CRPPA: variants seen among roughly 807,000 people sequenced by gnomAD.
CRPPA encodes the protein CDP-L-ribitol pyrophosphorylase A, also known as D-ribitol-5-phosphate cytidylyltransferase.
A neutral mutation model predicts 52.0 loss-of-function variants in CRPPA; 43 were observed. The ratio of observed to expected loss-of-function variants is 0.83; its 90% CI spans 0.65 to 1.07. The LOEUF is 1.07. Among genes scored for constraint, CRPPA ranks in the 50% least tolerant of loss-of-function variants. CRPPA has a pLI of 0.00. For missense variants in CRPPA, 629 were observed against 551.7 expected, an observed-to-expected ratio of 1.14 and a Z score of -1.40; for synonymous variants, 250 against 203.5, an observed-to-expected ratio of 1.23 and a Z score of -1.94.
At position 16,088,720 on chromosome 7, in the gene CRPPA, ATCTCTTAAACAACAAAATAATT is replaced by A. The variant is rs1781751282; in HGVS notation, c.*2953_*2974del. The stretch of plus-strand genomic sequence containing the variant: ...GGCGTGAGCCATCGCGCCCGGCCAG[ATCTCTTAAACAACAAAATAATT>A]TCTCTTTTGGCCAATACTTCTATTC... On this transcript the variant is annotated 3_prime_UTR_variant, in exon 10 of 10. Transcript: ENST00000407010. The A allele has an allele frequency of 6.4e-6, 1 of 155,780 alleles. No individual in the cohort carries two copies. The highest frequency in any genetic ancestry group is 1.9e-4 in the East Asian group (1 of 5,334). 9.6% of individuals were successfully genotyped at this position (155,780 alleles called of 1,614,324 possible).
At chr7:16,253,135 GC>G (rs931123674) in intron 8 of CRPPA, among the ~76,000 whole-genome samples, 1 of 151,950 alleles carries the variant, frequency 6.6e-6, no homozygotes, top group African/African-American at 2.4e-5. Flanking sequence ...ATTATTTCTT[GC>G]CTTCTGCTAG....
At chr7:16,350,758 T>C (rs1049313053) in intron 3 of CRPPA, among the ~76,000 whole-genome samples, 11 of 152,262 alleles carry the variant, frequency 7.2e-5, no homozygotes, top group Non-Finnish European at 1.3e-4. Context: ...TCCTTACCTA[T>C]CAATAATTAC....
At chr7:16,390,946 G>A (rs371713326) in intron 2 of CRPPA, among the ~76,000 whole-genome samples, 1 of 152,040 alleles carries the variant, frequency 6.6e-6, no homozygotes, top group Non-Finnish European at 1.5e-5. Flanking sequence ...GAAGTCAATG[G>A]CCTCCTATAA....
intron 9 of CRPPA, among the ~76,000 whole-genome samples, chr7:16,095,544 T>C (rs1233718964): frequency 6.6e-6 from 1 of 152,226 alleles, no homozygotes; most frequent in Non-Finnish European, 1.5e-5. Flanking sequence ...TCACCATATA[T>C]AGCCATTAAA....
chr7:16,373,063 C>CG (rs1786789192), intron 3 of CRPPA, among the ~76,000 whole-genome samples: 1 of 152,096 alleles, frequency 6.6e-6, no homozygotes, highest in South Asian at 2.1e-4. Flanking sequence ...GGGAGGCCAA[C>CG]GCAGACGGTT....
intron 5 of CRPPA, among the ~76,000 whole-genome samples, chr7:16,294,699 A>T (rs1365913916): frequency 6.6e-6 from 1 of 152,008 alleles, no homozygotes; most frequent in African/African-American, 2.4e-5. Context: ...AGCCAGAAAC[A>T]TCAAAACTTG....
At chr7:16,389,164 G>A (rs576716666) in intron 2 of CRPPA, among the ~76,000 whole-genome samples, 1 of 152,190 alleles carries the variant, frequency 6.6e-6, no homozygotes, top group South Asian at 2.1e-4. Context: ...CTCCACTGAT[G>A]AACTATGCCA....
intron 1 of CRPPA, among the ~76,000 whole-genome samples, chr7:16,415,162 G>C (rs1395833622): frequency 6.6e-6 from 1 of 152,186 alleles, no homozygotes; most frequent in Non-Finnish European, 1.5e-5. Context: ...GCGCAAAGTA[G>C]AACTTGGCTA....
chr7:16,210,242 C>T (rs1198257056), intron 9 of CRPPA, among the ~76,000 whole-genome samples: 1 of 152,098 alleles, frequency 6.6e-6, no homozygotes. Flanking sequence ...ATCCCTTAAT[C>T]TTAATGGGGG....
At chr7:16,211,411 A>G (rs549906712) in intron 9 of CRPPA, among the ~76,000 whole-genome samples, 1 of 152,328 alleles carries the variant, frequency 6.6e-6, no homozygotes, top group South Asian at 2.1e-4. Flanking sequence ...AGAGGGTATT[A>G]TGGGTTTCTG....
intron 9 of CRPPA, among the ~76,000 whole-genome samples, chr7:16,147,954 C>T (rs560456346): frequency 6.6e-6 from 1 of 152,038 alleles, no homozygotes; most frequent in Non-Finnish European, 1.5e-5. Flanking sequence ...GATTTTTCAG[C>T]CTTAACAAAT....
intron 2 of CRPPA, among the ~76,000 whole-genome samples, chr7:16,387,082 TATATAC>T (rs1327951902): frequency 0.023 from 787 of 34,976 alleles, 16 homozygotes; most frequent in African/African-American, 0.081. Flanking sequence ...TATATATATA[TATATAC>T]ACACATATAT....
chr7:16,184,726 C>G (rs1222180268), intron 9 of CRPPA, among the ~76,000 whole-genome samples: 1 of 152,152 alleles, frequency 6.6e-6, no homozygotes, highest in Non-Finnish European at 1.5e-5. Flanking sequence ...TTCCTATAGG[C>G]ATTCTCAGTA....
In CRPPA at chr7:16,089,486, G is replaced by A. The variant is rs1321411053; in HGVS notation, c.*2209C>T. 1.7e-5 allele frequency: 5 copies of A among 297,290 alleles called. No individual in the cohort carries two copies. Among genetic ancestry groups the A allele is most frequent in the South Asian group, 2.7e-5 (1 of 36,506 alleles). The allele number at this position is 297,290 out of a possible 1,614,324, so 18.4% of individuals were successfully genotyped here. A position where few individuals can be genotyped will look rare whatever the true frequency, so the allele number is the denominator to read the frequency against. On this transcript the variant is annotated 3_prime_UTR_variant, in exon 10 of 10. Coordinates refer to ENST00000407010, the MANE Select transcript of CRPPA (RefSeq NM_001101426.4). ...GTATATATGTACGTACATATATACGGGTATATATGTACGTACATACATAGA... is the reference window on the plus strand; with the variant it reads ...GTATATATGTACGTACATATATACGAGTATATATGTACGTACATACATAGA...
chr7:16,217,866 T>G (rs1450177587), intron 8 of CRPPA, among the ~76,000 whole-genome samples: 1 of 152,044 alleles, frequency 6.6e-6, no homozygotes, highest in African/African-American at 2.4e-5. Flanking sequence ...GAAAAAACTC[T>G]GCAGGATATT....
intron 4 of CRPPA, among the ~76,000 whole-genome samples, 185 bp downstream of exon 4, chr7:16,308,338 A>G (rs994008786): frequency 6.6e-6 from 1 of 152,218 alleles, no homozygotes; most frequent in African/African-American, 2.4e-5. Context: ...GATGTGTCTG[A>G]GTAAATTATC....
At chr7:16,412,542 G>C (rs1788097342) in intron 1 of CRPPA, among the ~76,000 whole-genome samples, 1 of 152,140 alleles carries the variant, frequency 6.6e-6, no homozygotes, top group African/African-American at 2.4e-5. Context: ...GTACTTGCAA[G>C]TCTTTATAAG....
chr7:16,246,160 A>G (rs574723488), intron 8 of CRPPA, among the ~76,000 whole-genome samples: 4 of 152,234 alleles, frequency 2.6e-5, no homozygotes, highest in Non-Finnish European at 5.9e-5. Flanking sequence ...TTATCAACTA[A>G]GTTTATATAA....
At chr7:16,190,973 C>T (rs955907705) in intron 9 of CRPPA, among the ~76,000 whole-genome samples, 4 of 152,052 alleles carry the variant, frequency 2.6e-5, no homozygotes, top group African/African-American at 4.8e-5. Context: ...AGCAGAATTC[C>T]ATGGTATGTA....
Sources: gnomAD v4.1 joint callset for allele counts (sites outside exome capture counted in the v4.1 genomes callset) on GRCh38, gnomAD v4.1.1 for gene constraint, MANE v1.5 for transcripts, NCBI Gene and HGNC (gene_info 2026-07-23, HGNC 2026-07-21) for gene names.